Variants in RASAL1 observed in about 807,000 individuals in gnomAD.
RASAL1 encodes rasGAP-activating-like protein 1.
RASAL1 carries 72 observed loss-of-function variants against 96.6 expected under a neutral mutation model. That is an observed-to-expected ratio of 0.75 (90% CI 0.62 to 0.91). The LOEUF (loss-of-function observed/expected upper bound fraction) is 0.91, where lower values mean the gene tolerates loss of function less well. Ranked by LOEUF, RASAL1 falls within the 40% of genes least tolerant of loss-of-function variation. The pLI, the probability that RASAL1 is intolerant of heterozygous loss-of-function variation, is 0.00. For synonymous variants in RASAL1, 405 were observed against 430.4 expected (o/e 0.94, Z 0.73); for missense variants, 1,016 against 1,072.5 (o/e 0.95, Z 0.74).
intron 14 of RASAL1, among the ~76,000 whole-genome samples, chr12:113,107,758 G>T (rs182541534): frequency 7.2e-4 from 108 of 150,310 alleles, no homozygotes; most frequent in Non-Finnish European, 2.8e-4. Context: ...CCCAAGAACT[G>T]CTCAGTCCTA....
intron 13 of RASAL1, among the ~76,000 whole-genome samples, chr12:113,111,403 C>T (rs1239603096): frequency 1.3e-5 from 2 of 152,140 alleles, no homozygotes. Flanking sequence ...TCACTCCTTT[C>T]TACCTGTGTG....
At chr12:113,103,652 C>G (rs899021946) in intron 18 of RASAL1, 5 of 488,722 alleles carry the variant, frequency 1.0e-5, no homozygotes, top group African/African-American at 6.0e-5. Flanking sequence ...TTCTTGAGAA[C>G]AAGCTCATGA....
chr12:113,118,966 A>G (rs760731558), intron 7 of RASAL1, among the ~76,000 whole-genome samples, 162 bp downstream of exon 7: 9 of 152,168 alleles, frequency 5.9e-5, no homozygotes, highest in Non-Finnish European at 8.8e-5. Context: ...CACCTGTACA[A>G]CAGAGCAATG....
At chr12:113,134,634 C>G (rs1951844048) in intron 1 of RASAL1, among the ~76,000 whole-genome samples, 1 of 152,236 alleles carries the variant, frequency 6.6e-6, no homozygotes, top group African/African-American at 2.4e-5. Context: ...CTTCTGGGCA[C>G]TATGCCAAGC....
chr12:113,119,020 G>C, intron 7 of RASAL1, 108 bp downstream of exon 7: 4 of 1,354,546 alleles, frequency 3.0e-6, no homozygotes, highest in Non-Finnish European at 4.0e-6. Flanking sequence ...TGATGAGGCA[G>C]CTGTACATCC....
chr12:113,102,730 A>T (rs968129615), intron 18 of RASAL1, among the ~76,000 whole-genome samples: 5 of 152,096 alleles, frequency 3.3e-5, no homozygotes, highest in Admixed American at 6.6e-5. Flanking sequence ...AAACAAAAAT[A>T]AAAAAACCCA....
At chr12:113,132,942 C>T (rs1951776023) in intron 1 of RASAL1, among the ~76,000 whole-genome samples, 1 of 152,216 alleles carries the variant, frequency 6.6e-6, no homozygotes, top group African/African-American at 2.4e-5. Context: ...ATCTGGGCTT[C>T]ACCTTCAGAC....
Position 113,099,840 on chromosome 12 carries a change from C to A in RASAL1, c.*89G>T. On this transcript the variant is annotated 3_prime_UTR_variant, in exon 21 of 21. Transcript: ENST00000548055. ...CTCCAAACCACAGAATCAAAGAGGT[C>A]CAAGGAGACAGGAGACTCCCGGGGC... 6.6e-7 allele frequency: 1 copy of A among 1,513,588 alleles called. No homozygotes were observed. Among genetic ancestry groups the A allele is most frequent in the South Asian group, 1.3e-5 (1 of 76,950 alleles). 93.8% of individuals were successfully genotyped at this position (1,513,588 alleles called of 1,614,324 possible).
upstream of RASAL1, chr12:113,135,802 A>C: frequency 8.0e-5 from 18 of 225,178 alleles, no homozygotes; most frequent in Non-Finnish European, 1.1e-4. The surrounding 1 kb of genome is among the most constrained non-coding windows in gnomAD (Gnocchi z 5.7). Flanking sequence ...CCTCCCCACA[A>C]TCCCGCCTCC....
chr12:113,129,830 T>C lies in RASAL1; in HGVS notation c.122+1055A>G, dbSNP rs1408973870. Among the ~76,000 whole-genome samples, 1 of 152,194 alleles carries C rather than the reference T, an allele frequency of 6.6e-6. No individual in the cohort carries two copies. The highest frequency in any genetic ancestry group is 1.9e-4 in the East Asian group (1 of 5,196). On this transcript the variant is annotated intron_variant, in intron 2 of 20. Transcript: ENST00000548055. This position sits in a 1 kb window ranked among gnomAD's most constrained non-coding sequence, Gnocchi z 5.0. ...ACCCTCTTCCCCCAACCTGACCTTT[T>C]CCCAGCCAAAGGTCTTCTGAACATT...
intron 18 of RASAL1, chr12:113,103,707 A>ACGTGTT (rs1950542152): frequency 1.7e-6 from 1 of 597,104 alleles, no homozygotes; most frequent in African/African-American, 1.9e-5. Flanking sequence ...GTACTTTAGA[A>ACGTGTT]ATAACACGTC....
chr12:113,130,456 C>T lies in RASAL1; in HGVS notation c.122+429G>A, dbSNP rs1437021846. Among the ~76,000 whole-genome samples, 2 of 152,176 alleles carry T rather than the reference C, an allele frequency of 1.3e-5. No homozygotes were observed. The highest frequency in any genetic ancestry group is 2.9e-5 in the Non-Finnish European group (2 of 68,012). ...TGGTCACAGGCACTCACACTAGCCC[C>T]GCAACATCCCCCACCCCCTGCAACT... is the stretch of plus-strand genomic sequence containing the variant. On this transcript the variant is annotated intron_variant, in intron 2 of 20. Transcript: ENST00000548055. This position sits in a 1 kb window ranked among gnomAD's most constrained non-coding sequence, Gnocchi z 5.1.
chr12:113,107,829 T>C lies in RASAL1; in HGVS notation c.1512+256A>G, dbSNP rs1166817705. ...CCTTTGCAAATGATGATCTAATTCA[T>C]ACTAAGGTGTGAATGCCTGCTAGCC... On this transcript the variant is annotated intron_variant, in intron 14 of 20. Coordinates refer to ENST00000548055, the MANE Select transcript of RASAL1 (RefSeq NM_001301202.2). Among the ~76,000 whole-genome samples the C allele has an allele frequency of 1.3e-5, 2 of 152,240 alleles. 1 individual carries two copies. The highest frequency in any genetic ancestry group is 4.1e-4 in the South Asian group (2 of 4,832).
intron 1 of RASAL1, among the ~76,000 whole-genome samples, chr12:113,132,487 AG>A (rs1951759307): frequency 6.6e-6 from 1 of 152,130 alleles, no homozygotes; most frequent in South Asian, 2.1e-4. Flanking sequence ...ACTGGGACCC[AG>A]GTTTGTGGGC....
rs1280322523 is a variant in RASAL1, at chr12:113,105,829, T to C, written c.1715A>G (p.Tyr572Cys). Residue 572 changes from tyrosine (Y) to cysteine (C), a missense_variant, in exon 16 of 21, where the codon TAT becomes TGT. Tyr to Cys is a radical substitution (Grantham distance 194, BLOSUM62 -2). Coordinates refer to ENST00000548055, the MANE Select transcript of RASAL1 (RefSeq NM_001301202.2). ...FPPSAIVREG[Y>C]LLKRKEEPAG... ...AGGCTCCTCCTTGCGCTTCAGCAGA[T>C]AGCCTTCTCGAACAATGGCCGAGGG... 6.2e-7 allele frequency: 1 copy of C among 1,614,156 alleles called. No homozygotes were observed. The highest frequency in any genetic ancestry group is 8.5e-7 in the Non-Finnish European group (1 of 1,180,018).
chr12:113,108,023 C>A, intron 14 of RASAL1, 62 bp downstream of exon 14: 1 of 1,551,118 alleles, frequency 6.4e-7, no homozygotes, highest in Non-Finnish European at 8.7e-7. Flanking sequence ...CCCAGCTCTG[C>A]TCCTACCATG....
At chr12:113,124,481 G>C (rs1400508603) in intron 4 of RASAL1, among the ~76,000 whole-genome samples, 1 of 152,142 alleles carries the variant, frequency 6.6e-6, no homozygotes, top group African/African-American at 2.4e-5. Flanking sequence ...TCCTATCCAA[G>C]TCCACAAGTT....
Position 113,115,381 on chromosome 12 carries a change from C to T in RASAL1, c.1004-117G>A. 9.0e-7 allele frequency: 1 copy of T among 1,107,518 alleles called. No homozygotes were observed. The highest frequency in any genetic ancestry group is 1.4e-6 in the Non-Finnish European group (1 of 728,228). 68.6% of individuals were successfully genotyped at this position (1,107,518 alleles called of 1,614,324 possible). A position where few individuals can be genotyped will look rare whatever the true frequency, so the allele number is the denominator to read the frequency against. On this transcript the variant is annotated intron_variant, in intron 10 of 20. Coordinates refer to ENST00000548055, the MANE Select transcript of RASAL1 (RefSeq NM_001301202.2). The surrounding 1 kb of genome is among the most constrained non-coding windows in gnomAD (Gnocchi z 4.1). Reference sequence around the variant, plus strand: ...CCCCAAGAATCAGGAAGACCCAAAACATCAACCCCATTCACAGTACAGAGG... The same window carrying T: ...CCCCAAGAATCAGGAAGACCCAAAATATCAACCCCATTCACAGTACAGAGG...
rs112836826 is a variant in RASAL1 at position 113,115,847 on chromosome 12, C to T, written c.850-59G>A. On this transcript the variant is annotated intron_variant, in intron 9 of 20. Coordinates refer to ENST00000548055, the MANE Select transcript of RASAL1 (RefSeq NM_001301202.2). This position sits in a 1 kb window ranked among gnomAD's most constrained non-coding sequence, Gnocchi z 4.1. ...CCCCTGGGACCCCAAAGCAGATGGGCCTAGATAGGGCTCCGTGAGGCAGGG... is the reference window on the plus strand; with the variant it reads ...CCCCTGGGACCCCAAAGCAGATGGGTCTAGATAGGGCTCCGTGAGGCAGGG... 1,061 of 1,603,498 alleles carry T rather than the reference C, an allele frequency of 6.6e-4. 6 individuals are homozygous for T. In the African/African-American group the frequency reaches 0.012, roughly 19 times the overall value.
Sources: allele counts gnomAD v4.1 joint callset (sites outside exome capture counted in the v4.1 genomes callset), GRCh38; gene constraint gnomAD v4.1.1; non-coding constraint Gnocchi (gnomAD v3.1); transcripts MANE v1.5; gene names NCBI Gene and HGNC (gene_info 2026-07-23, HGNC 2026-07-21).